Variants in CENPT observed in about 807,000 individuals in gnomAD.
The protein encoded by CENPT is centromere protein T.
CENPT carries 42 observed loss-of-function variants against 59.7 expected under a neutral mutation model. That is an observed-to-expected ratio of 0.70 (90% CI 0.55 to 0.91). CENPT has a LOEUF of 0.91. Among genes scored for constraint, CENPT ranks in the 40% least tolerant of loss-of-function variants. The pLI, the probability that CENPT is intolerant of heterozygous loss-of-function variation, is 0.00. For synonymous variants in CENPT, 295 were observed against 289.6 expected, an observed-to-expected ratio of 1.02 and a Z score of -0.19; for missense variants, 716 against 713.4, an observed-to-expected ratio of 1.00 and a Z score of -0.04.
In CENPT at chr16:67,828,264, C is replaced by G. The variant is rs758668869; in HGVS notation, c.*3G>C. The stretch of plus-strand genomic sequence containing the variant: ...GGACAGGGAAAGTGTTGAAGCCTGG[C>G]CACTACTGGGCAGGGAAGACAGAGT... On this transcript the variant is annotated 3_prime_UTR_variant, in exon 16 of 16. Transcript: ENST00000562787. 3.2e-6 allele frequency: 5 copies of G among 1,580,634 alleles called. No homozygotes were observed. In the African/African-American group the frequency reaches 6.7e-5, roughly 21 times the overall value.
Position 67,829,925 on chromosome 16 carries a change from C to G in CENPT, c.1026G>C (p.Val342=), listed in dbSNP as rs2057667303. 6.2e-7 allele frequency: 1 copy of G among 1,614,258 alleles called. No individual in the cohort carries two copies. Among genetic ancestry groups the G allele is most frequent in the African/African-American group, 1.3e-5 (1 of 75,060 alleles). The part of the protein sequence containing the change: ...EAEKKMEEEG[V]SVSEMEATGA... The stretch of plus-strand genomic sequence containing the variant: ...CTGTTGCCTCCATTTCACTCACACT[C>G]ACACCTTCTTCTTCCATCTTTTTCT... The change falls in exon 12 of 16, where the codon GTG becomes GTC. Residue 342 remains valine, a synonymous_variant. Transcript: ENST00000562787.
Position 67,843,212 on chromosome 16 carries a change from G to T in CENPT, c.-492+4189C>A, listed in dbSNP as rs762984802. On this transcript the variant is annotated intron_variant, in intron 1 of 15. Coordinates refer to ENST00000562787, the MANE Select transcript of CENPT (RefSeq NM_025082.4). The surrounding 1 kb of genome is among the most constrained non-coding windows in gnomAD (Gnocchi z 5.7). ...ACAGGCTGCTACCGCAGGGCTGGAG[G>T]CTGCCGAGTGCCCTATGGGCCCCCA... 4.3e-6 allele frequency: 7 copies of T among 1,611,722 alleles called. No individual in the cohort carries two copies. The East Asian group carries it at 1.6e-4, about 36-fold the overall frequency.
intron 1 of CENPT, among the ~76,000 whole-genome samples, chr16:67,839,780 AG>A (rs1819164916): frequency 1.3e-5 from 2 of 151,866 alleles, no homozygotes; most frequent in African/African-American, 4.8e-5. Context: ...AGGCTGAGGC[AG>A]GAGAATCTCT....
intron 5 of CENPT, 29 bp downstream of exon 5, chr16:67,832,426 C>G: frequency 6.2e-7 from 1 of 1,612,414 alleles, no homozygotes; most frequent in Non-Finnish European, 8.5e-7. Context: ...CAGCCAGGGC[C>G]CTTTGGGGTC....
intron 1 of CENPT, among the ~76,000 whole-genome samples, chr16:67,837,227 C>G (rs1235209602): frequency 6.6e-6 from 1 of 151,410 alleles, no homozygotes; most frequent in Non-Finnish European, 1.5e-5. Flanking sequence ...CGCTGGAGTG[C>G]AATGGTGGGA....
At chr16:67,830,218 A>G in intron 11 of CENPT, 130 bp from the exon 12 acceptor site, 1 of 1,221,968 alleles carries the variant, frequency 8.2e-7, no homozygotes, top group Non-Finnish European at 1.2e-6. Context: ...AGGCAGCACC[A>G]GGACATGGAT....
In CENPT at chr16:67,843,651, A is replaced by G. The variant is rs573372884; in HGVS notation, c.-492+3750T>C. The G allele has an allele frequency of 8.4e-5, 63 of 748,096 alleles. No individual in the cohort carries two copies. The highest frequency in any genetic ancestry group is 7.0e-4 in the African/African-American group (39 of 56,094). 46.3% of individuals were successfully genotyped at this position (748,096 alleles called of 1,614,324 possible). On this transcript the variant is annotated intron_variant, in intron 1 of 15. Coordinates refer to ENST00000562787, the MANE Select transcript of CENPT (RefSeq NM_025082.4). The surrounding 1 kb of genome is among the most constrained non-coding windows in gnomAD (Gnocchi z 5.7). ...TCTTGCTGGTGACCTGGCATCCTCA[A>G]TTGTTTCCTCCTGAAGTGGAAGCTG...
intron 3 of CENPT, 83 bp from the exon 4 acceptor site, chr16:67,834,183 G>A (rs184995838): frequency 3.6e-6 from 1 of 275,526 alleles, no homozygotes; most frequent in Non-Finnish European, 6.8e-6. Context: ...TCTAACACAC[G>A]ATAAGCCAGG....
At position 67,831,872 on chromosome 16, in the gene CENPT, A is replaced by G. The variant is rs753681583; in HGVS notation, c.405T>C (p.Pro135=). 1 of 1,611,760 alleles carries G rather than the reference A, an allele frequency of 6.2e-7. No homozygotes were observed. The highest frequency in any genetic ancestry group is 1.1e-5 in the South Asian group (1 of 90,754). The change falls in exon 8 of 16, where the codon CCT becomes CCC. Residue 135 remains proline, a synonymous_variant. Transcript: ENST00000562787. ...CCAGGGTTGTGGGGGGCTCGAGCTC[A>G]GGAAGTTGCAGCTCCAGGCTATAAG... is the stretch of plus-strand genomic sequence containing the variant. ...SSCGSLELQL[P]ELEPPTTLAP... is the part of the protein sequence containing the mutation.
intron 1 of CENPT, chr16:67,847,103 G>A (rs1277455293): frequency 2.0e-5 from 3 of 149,640 alleles, no homozygotes; most frequent in African/African-American, 4.9e-5. Flanking sequence ...CCCCCCCGGC[G>A]GCCCGAAGCC....
rs150602676 is a variant in CENPT, at chr16:67,842,935, G to A, written c.-492+4466C>T. The A allele has an allele frequency of 6.2e-7, 1 of 1,607,154 alleles. No individual in the cohort carries two copies. The highest frequency in any genetic ancestry group is 1.3e-5 in the African/African-American group (1 of 74,272). On this transcript the variant is annotated intron_variant, in intron 1 of 15. Coordinates refer to ENST00000562787, the MANE Select transcript of CENPT (RefSeq NM_025082.4). The surrounding 1 kb of genome is among the most constrained non-coding windows in gnomAD (Gnocchi z 4.9). Reference sequence around the variant, plus strand: ...AGCAGCAGCAACAGCAGCAGCAGCAGCAGCAGCAGCAGCAGTCCTCACCCT... The same window carrying A: ...AGCAGCAGCAACAGCAGCAGCAGCAACAGCAGCAGCAGCAGTCCTCACCCT...
At chr16:67,828,879 C>T in intron 13 of CENPT, 36 bp from the exon 14 acceptor site, 2 of 1,543,188 alleles carry the variant, frequency 1.3e-6, no homozygotes, top group Non-Finnish European at 1.7e-6. Context: ...GCTGAACTTG[C>T]CTCAAGGAGG....
chr16:67,829,941 A>G lies in CENPT; in HGVS notation c.1010T>C (p.Met337Thr), dbSNP rs546308121. 6.8e-6 allele frequency: 11 copies of G among 1,614,066 alleles called. No individual in the cohort carries two copies. Among genetic ancestry groups the G allele is most frequent in the Non-Finnish European group, 8.5e-6 (10 of 1,180,006 alleles). Residue 337 changes from methionine (M) to threonine (T), a missense_variant, in exon 12 of 16, where the codon ATG (methionine) becomes ACG (threonine). Coordinates refer to ENST00000562787, the MANE Select transcript of CENPT (RefSeq NM_025082.4). The stretch of plus-strand genomic sequence containing the variant: ...ACTCACACTCACACCTTCTTCTTCC[A>G]TCTTTTTCTCTGCCTCTTCAACTCC... The part of the protein sequence containing the change: ...HDGVEEAEKK[M>T]EEEGVSVSEM...
chr16:67,833,185 T>C (rs982333100), intron 4 of CENPT, among the ~76,000 whole-genome samples: 1 of 152,234 alleles, frequency 6.6e-6, no homozygotes, highest in Non-Finnish European at 1.5e-5. Context: ...CCAAATTCCC[T>C]GCTCCTTAGC....
chr16:67,843,085 C>T lies in CENPT; in HGVS notation c.-492+4316G>A. The T allele has an allele frequency of 6.2e-7, 1 of 1,611,338 alleles. No individual in the cohort carries two copies. Among genetic ancestry groups the T allele is most frequent in the East Asian group, 2.2e-5 (1 of 44,888 alleles). The stretch of plus-strand genomic sequence containing the variant: ...CTCCGGGATCCGTACAGCCGGCGCC[C>T]ATCACTCCCACTGGAGAAGACGTGA... On this transcript the variant is annotated intron_variant, in intron 1 of 15. Transcript: ENST00000562787. This position sits in a 1 kb window ranked among gnomAD's most constrained non-coding sequence, Gnocchi z 5.7.
chr16:67,843,597 C>A lies in CENPT; in HGVS notation c.-492+3804G>T. ...CTCTATACTCCTGGGCACTGGTTGA[C>A]AGTACTGAGGCTTAAGGCAGCTGGA... is the stretch of plus-strand genomic sequence containing the variant. On this transcript the variant is annotated intron_variant, in intron 1 of 15. Transcript: ENST00000562787. The surrounding 1 kb of genome is among the most constrained non-coding windows in gnomAD (Gnocchi z 5.7). The A allele has an allele frequency of 7.9e-7, 1 of 1,271,062 alleles. No individual in the cohort carries two copies. Among genetic ancestry groups the A allele is most frequent in the African/African-American group, 1.5e-5 (1 of 66,974 alleles). 78.7% of individuals were successfully genotyped at this position (1,271,062 alleles called of 1,614,324 possible). A position where few individuals can be genotyped will look rare whatever the true frequency, so the allele number is the denominator to read the frequency against.
rs2057769700 is a variant in CENPT, at chr16:67,842,586, G to A, written c.-492+4815C>T. The A allele has an allele frequency of 1.9e-6, 3 of 1,545,672 alleles. No individual in the cohort carries two copies. Among genetic ancestry groups the A allele is most frequent in the Non-Finnish European group, 2.6e-6 (3 of 1,143,686 alleles). On this transcript the variant is annotated intron_variant, in intron 1 of 15. Coordinates refer to ENST00000562787, the MANE Select transcript of CENPT (RefSeq NM_025082.4). The surrounding 1 kb of genome is among the most constrained non-coding windows in gnomAD (Gnocchi z 4.9). ...GGCTTTACGTGCTGCGTGCCAGGCTGCTACAACAACTCGCACCGGGACAAG... is the reference window on the plus strand; with the variant it reads ...GGCTTTACGTGCTGCGTGCCAGGCTACTACAACAACTCGCACCGGGACAAG...
intron 1 of CENPT, among the ~76,000 whole-genome samples, chr16:67,837,875 A>G (rs2057742105): frequency 6.6e-6 from 1 of 152,216 alleles, no homozygotes; most frequent in South Asian, 2.1e-4. Context: ...GGGGTCTTGC[A>G]AGCTCTGGGA....
Position 67,842,952 on chromosome 16 carries a change from C to T in CENPT, c.-492+4449G>A, listed in dbSNP as rs1377926600. The T allele has an allele frequency of 2.5e-6, 4 of 1,601,256 alleles. No homozygotes were observed. Among genetic ancestry groups the T allele is most frequent in the Non-Finnish European group, 3.4e-6 (4 of 1,173,618 alleles). On this transcript the variant is annotated intron_variant, in intron 1 of 15. Transcript: ENST00000562787. This position sits in a 1 kb window ranked among gnomAD's most constrained non-coding sequence, Gnocchi z 4.9. ...CAGCAGCAGCAGCAGCAGCAGCAGT[C>T]CTCACCCTCTGCCTCCACTGCCCAG...
Sources: allele counts gnomAD v4.1 joint callset (sites outside exome capture counted in the v4.1 genomes callset), GRCh38; gene constraint gnomAD v4.1.1; non-coding constraint Gnocchi (gnomAD v3.1); transcripts MANE v1.5; gene names NCBI Gene and HGNC (gene_info 2026-07-23, HGNC 2026-07-21).